The following FSD1L variants were observed in gnomAD, a reference collection of about 807,000 sequenced individuals.
The protein encoded by FSD1L is FSD1-like protein.
FSD1L carries 45 observed loss-of-function variants against 71.6 expected under a neutral mutation model. The observed-to-expected ratio is 0.63, with a 90% CI of 0.49 to 0.81. The LOEUF is 0.81. FSD1L is among the 30% of genes least tolerant of loss of function. The pLI, the probability that FSD1L is intolerant of heterozygous loss-of-function variation, is 0.00. For synonymous variants in FSD1L, 197 were observed against 207.2 expected (o/e 0.95, Z 0.42); for missense variants, 561 against 618.1 (o/e 0.91, Z 0.98).
Position 105,520,411 on chromosome 9 carries a change from C to CAT in FSD1L, c.1025+7481_1025+7482dup, listed in dbSNP as rs200522828. ...AACAGTTTTTCGACAACATTTTTTA[C>CAT]ATATATACTATGTGTTCTTTGAAAA... On this transcript the variant is annotated intron_variant, in intron 10 of 13. Coordinates refer to ENST00000481272, the MANE Select transcript of FSD1L (RefSeq NM_001145313.3). 1.3e-3 allele frequency: 1,391 copies of CAT among 1,096,994 alleles called. 13 individuals carry two copies. In the African/African-American group the frequency reaches 0.019, roughly 15 times the overall value. 68.0% of individuals were successfully genotyped at this position (1,096,994 alleles called of 1,614,324 possible). A position where few individuals can be genotyped will look rare whatever the true frequency, so the allele number is the denominator to read the frequency against.
intron 1 of FSD1L, among the ~76,000 whole-genome samples, chr9:105,456,970 G>T (rs1830397097): frequency 6.6e-6 from 1 of 152,118 alleles, no homozygotes; most frequent in African/African-American, 2.4e-5. Context: ...GGAGGCTTGA[G>T]ATCTGATATA....
At chr9:105,514,392 C>T (rs1045803263) in intron 10 of FSD1L, among the ~76,000 whole-genome samples, 4 of 152,128 alleles carry the variant, frequency 2.6e-5, no homozygotes, top group Admixed American at 1.3e-4. Flanking sequence ...ATGTTATATG[C>T]ATTTATATAT....
chr9:105,470,660 A>G (rs1307301306), intron 4 of FSD1L, among the ~76,000 whole-genome samples: 1 of 152,144 alleles, frequency 6.6e-6, no homozygotes, highest in Non-Finnish European at 1.5e-5. Flanking sequence ...TCTATCTTAC[A>G]TACACACCAT....
intron 1 of FSD1L, among the ~76,000 whole-genome samples, chr9:105,458,720 A>G (rs10820805): frequency 0.11 from 16,597 of 152,242 alleles, 1,191 homozygotes; most frequent in Admixed American, 0.21. Flanking sequence ...CTGGCAGCCC[A>G]GTTTTCAGGC....
At chr9:105,487,427 T>G (rs951641172) in intron 7 of FSD1L, among the ~76,000 whole-genome samples, 1 of 152,018 alleles carries the variant, frequency 6.6e-6, no homozygotes, top group Non-Finnish European at 1.5e-5. Context: ...CTGTCAGGTT[T>G]TTTTTTTTTC....
At chr9:105,461,398 C>T (rs1830685701) in intron 1 of FSD1L, 122 bp from the exon 2 acceptor site, 1 of 451,346 alleles carries the variant, frequency 2.2e-6, no homozygotes, top group African/African-American at 2.0e-5. Flanking sequence ...ATATTGACTA[C>T]ATGTTGAAAT....
chr9:105,520,790 C>A lies in FSD1L; in HGVS notation c.1025+7854C>A, dbSNP rs570209856. The A allele has an allele frequency of 3.4e-5, 55 of 1,612,416 alleles. No homozygotes were observed. The African/African-American group carries it at 6.3e-4, about 18-fold the overall frequency. On this transcript the variant is annotated intron_variant, in intron 10 of 13. Coordinates refer to ENST00000481272, the MANE Select transcript of FSD1L (RefSeq NM_001145313.3). The stretch of plus-strand genomic sequence containing the variant: ...ATAATCTCATTAATCCTCCACTCAA[C>A]CTTTAAGAAACTCAAGTCACTATAG...
chr9:105,455,835 C>T (rs933515691), intron 1 of FSD1L, among the ~76,000 whole-genome samples: 1 of 152,206 alleles, frequency 6.6e-6, no homozygotes, highest in African/African-American at 2.4e-5. Flanking sequence ...TAATGAAATA[C>T]TAACTAAATT....
upstream of FSD1L, among the ~76,000 whole-genome samples, chr9:105,447,190 T>G (rs2131543096): frequency 6.6e-6 from 1 of 151,316 alleles, no homozygotes; most frequent in Middle Eastern, 3.4e-3. Context: ...CCAGGTGTGG[T>G]GGGGGCGCCT....
chr9:105,547,938 G>A lies in FSD1L; in HGVS notation c.*1455G>A, dbSNP rs939216748. On this transcript the variant is annotated 3_prime_UTR_variant, in exon 14 of 14. Transcript: ENST00000481272. Reference sequence around the variant, plus strand: ...AGTGACCATTACTGCCTACATTTGCGTTGCTTTCTACATAGAGACTTGTAT... The same window carrying A: ...AGTGACCATTACTGCCTACATTTGCATTGCTTTCTACATAGAGACTTGTAT... The A allele has an allele frequency of 1.3e-5, 2 of 151,840 alleles. No homozygotes were observed. Among genetic ancestry groups the A allele is most frequent in the Non-Finnish European group, 2.9e-5 (2 of 67,928 alleles). The allele number at this position is 151,840 out of a possible 1,614,324, so 9.4% of individuals were successfully genotyped here.
chr9:105,471,897 TC>T lies in FSD1L; in HGVS notation c.340-4del. 6 of 1,133,100 alleles carry T rather than the reference TC, an allele frequency of 5.3e-6. No individual in the cohort carries two copies. Among genetic ancestry groups the T allele is most frequent in the Non-Finnish European group, 7.1e-6 (6 of 845,344 alleles). The allele number at this position is 1,133,100 out of a possible 1,614,324, so 70.2% of individuals were successfully genotyped here. A position where few individuals can be genotyped will look rare whatever the true frequency, so the allele number is the denominator to read the frequency against. ...TAATGACTTAGTTTTTTTTTTTTTT[TC>T]CCTAGAGTCAGATTAGTCAATGTAA... On this transcript the variant is annotated splice_region_variant and splice_polypyrimidine_tract_variant and intron_variant, in intron 4 of 13. Coordinates refer to ENST00000481272, the MANE Select transcript of FSD1L (RefSeq NM_001145313.3).
At position 105,485,895 on chromosome 9, in the gene FSD1L, G is replaced by C. The variant is rs185740504; in HGVS notation, c.586+1393G>C. On this transcript the variant is annotated intron_variant, in intron 7 of 13. Coordinates refer to ENST00000481272, the MANE Select transcript of FSD1L (RefSeq NM_001145313.3). ...CCTGACCTCGTGATCCGCCCGCCTC[G>C]GCCTCCCAAAGTGCTGGGATTACAG... 7.9e-3 allele frequency among the ~76,000 whole-genome samples: 1,202 copies of C among 151,940 alleles called. 10 individuals are homozygous for C. Among genetic ancestry groups the C allele is most frequent in the Middle Eastern group, 0.02 (6 of 294 alleles).
chr9:105,510,001 T>A (rs1589044034), intron 9 of FSD1L, among the ~76,000 whole-genome samples: 1 of 152,364 alleles, frequency 6.6e-6, no homozygotes, highest in Non-Finnish European at 1.5e-5. Flanking sequence ...TTTTGTTTCT[T>A]TTCATTTACT....
At chr9:105,479,255 A>G (rs1299527871) in intron 5 of FSD1L, 99 bp from the exon 6 acceptor site, 2 of 1,000,004 alleles carry the variant, frequency 2.0e-6, no homozygotes, top group Non-Finnish European at 3.1e-6. Context: ...AATCTGTTGC[A>G]GGGTTTATAT....
intron 10 of FSD1L, among the ~76,000 whole-genome samples, chr9:105,533,433 T>TTTTTTTTG (rs1836044931): frequency 9.0e-6 from 1 of 111,528 alleles, no homozygotes; most frequent in Non-Finnish European, 1.8e-5. Context: ...TTTTTTTTTT[T>TTTTTTTTG]TTTTTTTGAG....
chr9:105,486,586 T>C (rs1832563305), intron 7 of FSD1L, among the ~76,000 whole-genome samples: 1 of 152,144 alleles, frequency 6.6e-6, no homozygotes, highest in African/African-American at 2.4e-5. Flanking sequence ...ATTAACCATA[T>C]GTCTCTACTT....
At chr9:105,509,532 T>G (rs1005301457) in intron 9 of FSD1L, among the ~76,000 whole-genome samples, 2 of 152,214 alleles carry the variant, frequency 1.3e-5, no homozygotes, top group Non-Finnish European at 2.9e-5. Context: ...TACACATTCT[T>G]GTAGGCACTT....
chr9:105,526,416 C>T, intron 10 of FSD1L: 1 of 1,613,310 alleles, frequency 6.2e-7, no homozygotes, highest in Non-Finnish European at 8.5e-7. Flanking sequence ...AGTGAAACTC[C>T]CACAGCAGCG....
intron 13 of FSD1L, among the ~76,000 whole-genome samples, chr9:105,542,756 C>T (rs1836713868): frequency 2.0e-5 from 3 of 152,192 alleles, no homozygotes; most frequent in South Asian, 4.1e-4. Context: ...GCCTGGTTTT[C>T]CTGTTTTTAA....
Sources: allele counts gnomAD v4.1 joint callset (sites outside exome capture counted in the v4.1 genomes callset), GRCh38; gene constraint gnomAD v4.1.1; transcripts MANE v1.5; gene names NCBI Gene and HGNC (gene_info 2026-07-23, HGNC 2026-07-21).